CEP63: variants seen among roughly 807,000 people sequenced by gnomAD.
CEP63 encodes centrosomal protein of 63 kDa.
Under a neutral mutation model 89.1 loss-of-function variants are expected in CEP63, and 84 were observed. The observed-to-expected ratio is 0.94, with a 90% CI of 0.79 to 1.13. The LOEUF (loss-of-function observed/expected upper bound fraction) is 1.13, where lower values mean the gene tolerates loss of function less well. Among genes scored for constraint, CEP63 ranks in the 50% most tolerant of loss-of-function variants. The pLI is 0.00. For missense variants in CEP63, 838 were observed against 813.3 expected (o/e 1.03, Z -0.37); for synonymous variants, 267 against 272.5 (o/e 0.98, Z 0.20).
the CEP63 span, among the ~76,000 whole-genome samples, chr3:134,750,641 GCTCATCT>G: frequency 1.7e-3 from 264 of 152,272 alleles, 12 homozygotes; most frequent in South Asian, 0.052. Flanking sequence ...GGGGAAGCCA[GCTCATCT>G]GTGCATGGGT....
At chr3:134,596,451 C>T in the CEP63 span, among the ~76,000 whole-genome samples, 4 of 152,186 alleles carry the variant, frequency 2.6e-5, no homozygotes, top group African/African-American at 9.7e-5. Context: ...GGTTACTTCA[C>T]CCCACATTCC....
the CEP63 span, among the ~76,000 whole-genome samples, chr3:134,656,508 A>G: frequency 6.6e-6 from 1 of 152,212 alleles, no homozygotes; most frequent in Admixed American, 6.5e-5. Context: ...CACAAGTGTG[A>G]GGGTGCAGGT....
chr3:134,590,505 C>T (rs1433355988), downstream of CEP63, among the ~76,000 whole-genome samples: 1 of 152,098 alleles, frequency 6.6e-6, no homozygotes, highest in Non-Finnish European at 1.5e-5. Flanking sequence ...TTCAAGACTC[C>T]ACAAAAATCT....
chr3:134,571,938 A>G (rs1269231206), intron 11 of CEP63, among the ~76,000 whole-genome samples: 1 of 152,222 alleles, frequency 6.6e-6, no homozygotes, highest in Non-Finnish European at 1.5e-5. Flanking sequence ...AATATCTGTG[A>G]TTTCTATTGG....
At chr3:134,522,600 C>G (rs909619896) in intron 3 of CEP63, among the ~76,000 whole-genome samples, 8 of 152,006 alleles carry the variant, frequency 5.3e-5, no homozygotes. Flanking sequence ...TTAGTTATTT[C>G]TTTCCTGATT....
chr3:134,692,918 T>G, the CEP63 span, among the ~76,000 whole-genome samples: 2 of 152,220 alleles, frequency 1.3e-5, no homozygotes, highest in Non-Finnish European at 2.9e-5. Flanking sequence ...CTTTCCCTTC[T>G]CTTCCACCTC....
At chr3:134,618,528 C>A in the CEP63 span, among the ~76,000 whole-genome samples, 1 of 113,148 alleles carries the variant, frequency 8.8e-6, no homozygotes, top group East Asian at 3.2e-4. Context: ...CAGTGGCCAT[C>A]CCCTCCCCCC....
At chr3:134,773,696 C>G in the CEP63 span, among the ~76,000 whole-genome samples, 380 of 152,236 alleles carry the variant, frequency 2.5e-3, 3 homozygotes, top group South Asian at 8.7e-3. Context: ...CCCACCCCCC[C>G]ACCTTCTCTG....
downstream of CEP63, among the ~76,000 whole-genome samples, chr3:134,576,811 G>A (rs935517610): frequency 5.3e-5 from 8 of 152,112 alleles, no homozygotes; most frequent in African/African-American, 1.9e-4. Flanking sequence ...AGAGGGGCAC[G>A]CGTGGGGTGA....
chr3:134,545,903 CAATCCA>C, intron 7 of CEP63, 84 bp downstream of exon 7: 1 of 1,035,044 alleles, frequency 9.7e-7, no homozygotes, highest in Non-Finnish European at 1.4e-6. Flanking sequence ...CTAGGTTCTA[CAATCCA>C]TACTTTCTTC....
the CEP63 span, among the ~76,000 whole-genome samples, chr3:134,651,803 G>C: frequency 6.6e-6 from 1 of 152,194 alleles, no homozygotes; most frequent in Non-Finnish European, 1.5e-5. Context: ...GACCTGAGAA[G>C]CCTTCTATTT....
At chr3:134,716,118 T>G in the CEP63 span, among the ~76,000 whole-genome samples, 1 of 152,198 alleles carries the variant, frequency 6.6e-6, no homozygotes, top group Non-Finnish European at 1.5e-5. Flanking sequence ...AGTTTCAGTC[T>G]GGGTGGCAAT....
the CEP63 span, among the ~76,000 whole-genome samples, chr3:134,701,031 T>A: frequency 6.8e-4 from 1 of 1,476 alleles, no homozygotes; most frequent in Non-Finnish European, 0.012. Context: ...CTTTTATATG[T>A]TTTTTTGTGT....
chr3:134,734,978 T>C, the CEP63 span, among the ~76,000 whole-genome samples: 1 of 152,182 alleles, frequency 6.6e-6, no homozygotes, highest in Non-Finnish European at 1.5e-5. Flanking sequence ...CTATAGGCTC[T>C]TGCTTGGCAG....
chr3:134,549,972 G>A, intron 10 of CEP63, 91 bp from the exon 11 acceptor site: 1 of 922,298 alleles, frequency 1.1e-6, no homozygotes, highest in East Asian at 2.6e-5. Context: ...CTTGAGATAA[G>A]GTGAACTTTT....
chr3:134,655,191 C>A, the CEP63 span, among the ~76,000 whole-genome samples: 1 of 152,176 alleles, frequency 6.6e-6, no homozygotes, highest in African/African-American at 2.4e-5. Context: ...CTGCTGGGTC[C>A]TGCTCTGGGG....
At chr3:134,730,546 C>T in the CEP63 span, among the ~76,000 whole-genome samples, 1 of 151,522 alleles carries the variant, frequency 6.6e-6, no homozygotes, top group Non-Finnish European at 1.5e-5. Context: ...TATGTACACA[C>T]AAGTATTTAT....
the CEP63 span, among the ~76,000 whole-genome samples, chr3:134,704,059 A>T: frequency 6.6e-6 from 1 of 151,960 alleles, no homozygotes; most frequent in Non-Finnish European, 1.5e-5. Context: ...CCTGTAACTG[A>T]CTCTGGCAAT....
chr3:134,764,603 C>G, the CEP63 span, among the ~76,000 whole-genome samples: 1 of 152,146 alleles, frequency 6.6e-6, no homozygotes, highest in Non-Finnish European at 1.5e-5. Flanking sequence ...TGGACCCTGC[C>G]GGTGAATTGA....
Sources: allele counts gnomAD v4.1 joint callset (sites outside exome capture counted in the v4.1 genomes callset), GRCh38; gene constraint gnomAD v4.1.1; transcripts MANE v1.5; gene names NCBI Gene and HGNC (gene_info 2026-07-23, HGNC 2026-07-21).